The following CTNNA3 variants were observed in gnomAD, a reference collection of about 807,000 sequenced individuals.
CTNNA3 encodes the protein catenin alpha-3.
A neutral mutation model predicts 95.7 loss-of-function variants in CTNNA3; 76 were observed. The observed-to-expected ratio is 0.79, with a 90% CI of 0.66 to 0.96. CTNNA3 has a LOEUF of 0.96. Ranked by LOEUF, CTNNA3 falls within the 40% of genes least tolerant of loss-of-function variation. The probability of loss-of-function intolerance (pLI) is 0.00; values close to 1 mark genes in which losing one functional copy is unlikely to be tolerated. For missense variants in CTNNA3, 1,191 were observed against 1,089.8 expected (o/e 1.09, Z -1.31); for synonymous variants, 431 against 374.4 (o/e 1.15, Z -1.74).
intron 8 of CTNNA3, among the ~76,000 whole-genome samples, chr10:66,774,359 T>C (rs908732842): frequency 1.3e-5 from 2 of 152,124 alleles, no homozygotes; most frequent in South Asian, 4.1e-4. Context: ...CCCATCCTCT[T>C]AGGCAGGTCA....
chr10:66,352,441 G>A (rs1018437815), intron 12 of CTNNA3, among the ~76,000 whole-genome samples: 1 of 152,092 alleles, frequency 6.6e-6, no homozygotes, highest in Non-Finnish European at 1.5e-5. Context: ...CATAATAAAG[G>A]AAGAGGACTA....
At chr10:66,417,533 C>G (rs1211856585) in intron 11 of CTNNA3, among the ~76,000 whole-genome samples, 1 of 151,946 alleles carries the variant, frequency 6.6e-6, no homozygotes, top group Non-Finnish European at 1.5e-5. Context: ...ACAGACCTAA[C>G]AGATATTTAT....
chr10:67,691,621 G>T (rs1246542287), intron 1 of CTNNA3, among the ~76,000 whole-genome samples: 1 of 147,916 alleles, frequency 6.8e-6, no homozygotes, highest in Non-Finnish European at 1.5e-5. Context: ...CCTGGCAACC[G>T]CCCCGTCTGA....
At chr10:67,336,159 TC>T (rs1390413387) in intron 5 of CTNNA3, among the ~76,000 whole-genome samples, 1 of 152,196 alleles carries the variant, frequency 6.6e-6, no homozygotes, top group East Asian at 1.9e-4. Flanking sequence ...TAACCAGTTG[TC>T]CCCATCTCCT....
chr10:67,379,282 G>A (rs949844954), intron 5 of CTNNA3, among the ~76,000 whole-genome samples: 2 of 152,044 alleles, frequency 1.3e-5, no homozygotes, highest in Non-Finnish European at 2.9e-5. Context: ...TTCAGCTCTA[G>A]CCCCCCGCTT....
chr10:66,743,733 T>C (rs796799735), intron 9 of CTNNA3, among the ~76,000 whole-genome samples: 5 of 152,052 alleles, frequency 3.3e-5, no homozygotes, highest in African/African-American at 1.2e-4. Flanking sequence ...ATCCCAGCAC[T>C]TTGGAAGGCC....
At chr10:66,274,035 C>G (rs1485654530) in intron 13 of CTNNA3, among the ~76,000 whole-genome samples, 2 of 151,848 alleles carry the variant, frequency 1.3e-5, no homozygotes, top group African/African-American at 4.8e-5. Flanking sequence ...TGAGTGGATT[C>G]TTGGAAAAGC....
chr10:66,345,138 G>C (rs546858833), intron 12 of CTNNA3, among the ~76,000 whole-genome samples: 1 of 151,862 alleles, frequency 6.6e-6, no homozygotes, highest in Admixed American at 6.6e-5. Flanking sequence ...AAATTTTGCC[G>C]GCATTCTGAA....
chr10:66,706,088 G>A (rs1461153285), intron 9 of CTNNA3, among the ~76,000 whole-genome samples: 1 of 151,922 alleles, frequency 6.6e-6, no homozygotes, highest in Admixed American at 6.6e-5. Context: ...AACCTCTTCA[G>A]CCTCTAGAAC....
At chr10:66,792,750 AG>A (rs944462152) in intron 7 of CTNNA3, among the ~76,000 whole-genome samples, 3 of 152,182 alleles carry the variant, frequency 2.0e-5, no homozygotes, top group Non-Finnish European at 4.4e-5. Context: ...CTGTAATATT[AG>A]GCAAAATCAG....
intron 7 of CTNNA3, among the ~76,000 whole-genome samples, chr10:67,131,215 G>A (rs922037196): frequency 2.6e-5 from 4 of 151,984 alleles, no homozygotes; most frequent in African/African-American, 9.7e-5. Context: ...AGCCAAGAGG[G>A]TTGGGTTAGG....
chr10:66,190,047 A>G (rs945723865), intron 13 of CTNNA3, among the ~76,000 whole-genome samples: 9 of 152,154 alleles, frequency 5.9e-5, no homozygotes, highest in African/African-American at 2.2e-4. Flanking sequence ...ATTTGAAGAA[A>G]CATGTGAAAC....
At chr10:67,266,449 T>C (rs1443419523) in intron 5 of CTNNA3, among the ~76,000 whole-genome samples, 1 of 152,026 alleles carries the variant, frequency 6.6e-6, no homozygotes, top group Admixed American at 6.6e-5. Flanking sequence ...TTGGCATTTT[T>C]CCCCCTCTGG....
At chr10:67,341,151 T>C (rs563785444) in intron 5 of CTNNA3, among the ~76,000 whole-genome samples, 3 of 152,318 alleles carry the variant, frequency 2.0e-5, no homozygotes, top group South Asian at 2.1e-4. Context: ...TCATGGAGGA[T>C]GGGGTATCAA....
intron 7 of CTNNA3, among the ~76,000 whole-genome samples, chr10:66,933,379 A>T (rs1319917636): frequency 6.6e-6 from 1 of 152,200 alleles, no homozygotes; most frequent in African/African-American, 2.4e-5. Flanking sequence ...ACACATTGAA[A>T]ATTCTACTTG....
intron 5 of CTNNA3, among the ~76,000 whole-genome samples, chr10:67,323,343 G>T (rs931015047): frequency 6.6e-6 from 1 of 152,102 alleles, no homozygotes; most frequent in Non-Finnish European, 1.5e-5. Context: ...GGTTTTTATA[G>T]TTTTTGGTTT....
At position 66,870,333 on chromosome 10, in the gene CTNNA3, G is replaced by A. The variant is rs1015588838; in HGVS notation, c.1048-94809C>T. On this transcript the variant is annotated intron_variant, in intron 7 of 17. Coordinates refer to ENST00000433211, the MANE Select transcript of CTNNA3 (RefSeq NM_013266.4). The stretch of plus-strand genomic sequence containing the variant: ...ACTATACCAACGGATGTTTTGCTAC[G>A]GCTATTAATGGACAATATTTTATTG... Among the ~76,000 whole-genome samples, 57 of 152,184 alleles carry A rather than the reference G, an allele frequency of 3.7e-4. 1 individual carries two copies. The highest frequency in any genetic ancestry group is 1.2e-3 in the African/African-American group (51 of 41,522).
chr10:66,127,155 C>T (rs539609748), intron 13 of CTNNA3, among the ~76,000 whole-genome samples: 15 of 151,666 alleles, frequency 9.9e-5, no homozygotes, highest in African/African-American at 3.6e-4. Context: ...GCCTGTAGTC[C>T]CAGCTACTTG....
chr10:67,275,207 T>C (rs1839141110), intron 5 of CTNNA3, among the ~76,000 whole-genome samples: 1 of 152,166 alleles, frequency 6.6e-6, no homozygotes, highest in South Asian at 2.1e-4. Flanking sequence ...AGGTAGGTAC[T>C]GCTATTATCA....
Sources: gnomAD v4.1 joint callset for allele counts (sites outside exome capture counted in the v4.1 genomes callset) on GRCh38, gnomAD v4.1.1 for gene constraint, MANE v1.5 for transcripts, NCBI Gene and HGNC (gene_info 2026-07-23, HGNC 2026-07-21) for gene names.